The following GOLGA7B variants were observed in gnomAD, a reference collection of about 807,000 sequenced individuals.
GOLGA7B encodes golgin subfamily A member 7B.
Under a neutral mutation model 21.5 loss-of-function variants are expected in GOLGA7B, and 17 were observed. The observed-to-expected ratio is 0.79, with a 90% CI of 0.54 to 1.19. The LOEUF is 1.19. Among genes scored for constraint, GOLGA7B ranks in the 50% most tolerant of loss-of-function variants. The probability of loss-of-function intolerance (pLI) is 0.00; values close to 1 mark genes in which losing one functional copy is unlikely to be tolerated. For synonymous variants in GOLGA7B, 87 were observed against 84.0 expected (o/e 1.04, Z -0.19); for missense variants, 169 against 224.4 (o/e 0.75, Z 1.58).
intron 1 of GOLGA7B, among the ~76,000 whole-genome samples, chr10:97,854,933 T>A (rs747308305): frequency 1.5e-4 from 23 of 152,148 alleles, no homozygotes; most frequent in South Asian, 1.5e-3. Context: ...AACACAGGGC[T>A]CCACCAGCCT....
chr10:97,855,978 C>T (rs1465505479), intron 1 of GOLGA7B, among the ~76,000 whole-genome samples: 1 of 152,184 alleles, frequency 6.6e-6, no homozygotes, highest in Non-Finnish European at 1.5e-5. Flanking sequence ...TTTTTGGATT[C>T]CCACCTTTTC....
At chr10:97,851,056 C>T (rs2049902585) in intron 1 of GOLGA7B, among the ~76,000 whole-genome samples, 1 of 152,060 alleles carries the variant, frequency 6.6e-6, no homozygotes, top group African/African-American at 2.4e-5. Flanking sequence ...CTAGGGATTG[C>T]CCTTTCCCCC....
At position 97,865,969 on chromosome 10, in the gene GOLGA7B, T is replaced by A. The variant is rs2050018705; in HGVS notation, c.*269T>A. 6.4e-6 allele frequency: 3 copies of A among 471,050 alleles called. No homozygotes were observed. In the South Asian group the frequency reaches 1.6e-4, roughly 26 times the overall value. The allele number at this position is 471,050 out of a possible 1,614,324, so 29.2% of individuals were successfully genotyped here. A position where few individuals can be genotyped will look rare whatever the true frequency, so the allele number is the denominator to read the frequency against. On this transcript the variant is annotated 3_prime_UTR_variant, in exon 5 of 5. Transcript: ENST00000370602. ...GGTCTGGGCCACACAGAGACAGATC[T>A]TCCTAGGAAGGCTGGGGTGGGGAGA... is the stretch of plus-strand genomic sequence containing the variant.
chr10:97,857,075 TTTAA>T (rs1182421361), intron 1 of GOLGA7B, among the ~76,000 whole-genome samples: 2 of 152,222 alleles, frequency 1.3e-5, no homozygotes, highest in African/African-American at 2.4e-5. Context: ...AACTTTTTAG[TTTAA>T]TTAAGTCCCA....
At chr10:97,857,802 T>C (rs962732213) in intron 1 of GOLGA7B, among the ~76,000 whole-genome samples, 2 of 152,138 alleles carry the variant, frequency 1.3e-5, no homozygotes, top group Non-Finnish European at 2.9e-5. Context: ...GGTACAAAAA[T>C]AGACACATAG....
intron 1 of GOLGA7B, among the ~76,000 whole-genome samples, chr10:97,853,700 G>A (rs1381292621): frequency 1.3e-5 from 2 of 152,124 alleles, no homozygotes; most frequent in African/African-American, 2.4e-5. Flanking sequence ...AGAACCCCCT[G>A]GGAGACACCC....
Position 97,865,775 on chromosome 10 carries a change from G to C in GOLGA7B, c.*75G>C. 7.0e-7 allele frequency: 1 copy of C among 1,426,658 alleles called. No homozygotes were observed. The highest frequency in any genetic ancestry group is 1.3e-5 in the South Asian group (1 of 75,148). 88.4% of individuals were successfully genotyped at this position (1,426,658 alleles called of 1,614,324 possible). A position where few individuals can be genotyped will look rare whatever the true frequency, so the allele number is the denominator to read the frequency against. On this transcript the variant is annotated 3_prime_UTR_variant, in exon 5 of 5. Coordinates refer to ENST00000370602, the MANE Select transcript of GOLGA7B (RefSeq NM_001010917.3). ...CAGACCTGCGGCGGCTGCGCTACCA[G>C]AGCACCCGCTTCTGAGTCATTCTTT...
intron 1 of GOLGA7B, among the ~76,000 whole-genome samples, chr10:97,853,754 T>C (rs1442698389): frequency 6.6e-6 from 1 of 152,120 alleles, no homozygotes; most frequent in Non-Finnish European, 1.5e-5. Flanking sequence ...GTTGTGCACA[T>C]ATTTTGATAT....
Position 97,865,982 on chromosome 10 carries a change from T to C in GOLGA7B, c.*282T>C, listed in dbSNP as rs1463887205. Reference sequence around the variant, plus strand: ...CAGAGACAGATCTTCCTAGGAAGGCTGGGGTGGGGAGAACACAACCTAGGC... The same window carrying C: ...CAGAGACAGATCTTCCTAGGAAGGCCGGGGTGGGGAGAACACAACCTAGGC... On this transcript the variant is annotated 3_prime_UTR_variant, in exon 5 of 5. Transcript: ENST00000370602. 3 of 448,212 alleles carry C rather than the reference T, an allele frequency of 6.7e-6. No homozygotes were observed. The highest frequency in any genetic ancestry group is 1.2e-5 in the Non-Finnish European group (3 of 257,502). 27.8% of individuals were successfully genotyped at this position (448,212 alleles called of 1,614,324 possible). A position where few individuals can be genotyped will look rare whatever the true frequency, so the allele number is the denominator to read the frequency against.
chr10:97,858,760 G>A (rs1372589819), intron 1 of GOLGA7B, among the ~76,000 whole-genome samples: 1 of 151,862 alleles, frequency 6.6e-6, no homozygotes, highest in Admixed American at 6.5e-5. Flanking sequence ...AAAAGCATCT[G>A]GGGTGCTCTC....
Position 97,864,028 on chromosome 10 carries a change from G to C in GOLGA7B, c.237G>C (p.Leu79=). ...GCAGCTCCTACCTCGAGGGCTGCCT[G>C]GCCTGCGCCACGGCCTACTTCATCT... ...IGGSSYLEGC[L]ACATAYFIFL... is the part of the protein sequence containing the mutation. The change falls in exon 3 of 5, where the codon CTG becomes CTC. Residue 79 remains leucine, a synonymous_variant. Transcript: ENST00000370602. 3 of 1,614,222 alleles carry C rather than the reference G, an allele frequency of 1.9e-6. No homozygotes were observed. Among genetic ancestry groups the C allele is most frequent in the Non-Finnish European group, 2.5e-6 (3 of 1,180,042 alleles).
At position 97,863,839 on chromosome 10, in the gene GOLGA7B, C is replaced by T. The variant is rs934773510; in HGVS notation, c.139-91C>T. ...GTGCCAATGTCATCTTCCCCATCTACATGGCCCCACCATTGTCACTTCCAG... is the reference window on the plus strand; with the variant it reads ...GTGCCAATGTCATCTTCCCCATCTATATGGCCCCACCATTGTCACTTCCAG... On this transcript the variant is annotated intron_variant, in intron 2 of 4. Transcript: ENST00000370602. The T allele has an allele frequency of 4.4e-6, 6 of 1,370,452 alleles. No individual in the cohort carries two copies. In the Admixed American group the frequency reaches 6.6e-5, roughly 15 times the overall value. 84.9% of individuals were successfully genotyped at this position (1,370,452 alleles called of 1,614,324 possible).
chr10:97,850,860 G>GT (rs564025755), intron 1 of GOLGA7B, among the ~76,000 whole-genome samples: 11,865 of 137,856 alleles, frequency 0.086, 895 homozygotes, highest in African/African-American at 0.2. Context: ...CCCCATTCGA[G>GT]TTTTTTTTTT....
chr10:97,850,395 G>A, intron 1 of GOLGA7B, 80 bp downstream of exon 1: 4 of 1,284,634 alleles, frequency 3.1e-6, no homozygotes, highest in Non-Finnish European at 4.2e-6. Context: ...GGGCAGGAGT[G>A]GGAGGCGGGA....
intron 1 of GOLGA7B, among the ~76,000 whole-genome samples, chr10:97,852,433 C>T (rs979193052): frequency 6.6e-6 from 1 of 151,998 alleles, no homozygotes; most frequent in Admixed American, 6.5e-5. Context: ...CCTCACTTCA[C>T]AATTTGGCCT....
chr10:97,864,219 G>A lies in GOLGA7B; in HGVS notation c.343G>A (p.Ala115Thr). The change falls in exon 4 of 5, where the codon GCA becomes ACA. Residue 115 changes from alanine (A) to threonine (T), a missense_variant. By Grantham distance (58) the Ala-to-Thr change is moderately conservative. Transcript: ENST00000370602. ...YIQEQNEKIF[A>T]PRGLLLTDPV... Reference sequence around the variant, plus strand: ...CCAGGAGCAGAATGAGAAGATCTTTGCACCTCGAGGCCTCCTACTTACAGA... The same window carrying A: ...CCAGGAGCAGAATGAGAAGATCTTTACACCTCGAGGCCTCCTACTTACAGA... 6.2e-7 allele frequency: 1 copy of A among 1,614,138 alleles called. No individual in the cohort carries two copies. Among genetic ancestry groups the A allele is most frequent in the Non-Finnish European group, 8.5e-7 (1 of 1,180,018 alleles).
At position 97,865,688 on chromosome 10, in the gene GOLGA7B, G is replaced by A. The variant is rs763725933; in HGVS notation, c.492G>A (p.Ala164=). Reference sequence around the variant, plus strand: ...GCAGCAGCGGTGGGGGTGGTGGGGCGGGGGCCCGGTGACTGGCCGAGAGTC... The same window carrying A: ...GCAGCAGCGGTGGGGGTGGTGGGGCAGGGGCCCGGTGACTGGCCGAGAGTC... The part of the protein sequence containing the change: ...SGSSSGGGGG[A]GAR The change falls in exon 5 of 5, where the codon GCG becomes GCA. Residue 164 remains alanine, a synonymous_variant. Coordinates refer to ENST00000370602, the MANE Select transcript of GOLGA7B (RefSeq NM_001010917.3). 61 of 1,605,170 alleles carry A rather than the reference G, an allele frequency of 3.8e-5. 2 individuals are homozygous for A. The highest frequency in any genetic ancestry group is 7.8e-5 in the South Asian group (7 of 90,038).
At position 97,871,478 on chromosome 10, in the gene GOLGA7B, T is replaced by G. The variant is rs557982670; in HGVS notation, c.*5778T>G. The stretch of plus-strand genomic sequence containing the variant: ...AGGACCTCGTTATACGATGGCCTCA[T>G]GATGTAGATTTATAGCAGGCTTCAG... On this transcript the variant is annotated 3_prime_UTR_variant, in exon 5 of 5. Transcript: ENST00000370602. 1 of 152,376 alleles carries G rather than the reference T, an allele frequency of 6.6e-6. No homozygotes were observed. The highest frequency in any genetic ancestry group is 1.9e-4 in the East Asian group (1 of 5,196). The allele number at this position is 152,376 out of a possible 1,614,324, so 9.4% of individuals were successfully genotyped here.
chr10:97,863,434 TC>T (rs1450761736), intron 2 of GOLGA7B, among the ~76,000 whole-genome samples: 2 of 152,102 alleles, frequency 1.3e-5, no homozygotes, highest in Non-Finnish European at 2.9e-5. Flanking sequence ...AAATGCCCCT[TC>T]CTGGAGAGAT....
Sources: gnomAD v4.1 joint callset for allele counts (sites outside exome capture counted in the v4.1 genomes callset) on GRCh38, gnomAD v4.1.1 for gene constraint, MANE v1.5 for transcripts, NCBI Gene and HGNC (gene_info 2026-07-23, HGNC 2026-07-21) for gene names.